TTBK1: variants seen among roughly 807,000 people sequenced by gnomAD.
TTBK1 encodes the protein tau tubulin kinase 1.
Under a neutral mutation model 108.5 loss-of-function variants are expected in TTBK1, and 34 were observed. The observed-to-expected ratio is 0.31, with a 90% confidence interval of 0.24 to 0.42. TTBK1 has a LOEUF of 0.42. Among genes scored for constraint, TTBK1 ranks in the 10% least tolerant of loss-of-function variants. The pLI is 1.00. For synonymous variants in TTBK1, 809 were observed against 795.1 expected (o/e 1.02, Z -0.29); for missense variants, 1,539 against 1,826.0 (o/e 0.84, Z 2.86).
In TTBK1 at chr6:43,286,974, C is replaced by T. The variant is rs1172445601; in HGVS notation, c.*1598C>T. ...CCCCAGCAGTCTGGCTGCGTCCAGC[C>T]ACCATCACCCGGAAGGATGCCCACA... On this transcript the variant is annotated 3_prime_UTR_variant, in exon 15 of 15. Coordinates refer to ENST00000259750, the MANE Select transcript of TTBK1 (RefSeq NM_032538.3). This position sits in a 1 kb window ranked among gnomAD's most constrained non-coding sequence, Gnocchi z 4.6. 6.5e-6 allele frequency: 1 copy of T among 152,676 alleles called. No individual in the cohort carries two copies. The highest frequency in any genetic ancestry group is 1.5e-5 in the Non-Finnish European group (1 of 68,098). 9.5% of individuals were successfully genotyped at this position (152,676 alleles called of 1,614,324 possible).
Position 43,283,008 on chromosome 6 carries a change from GGAA to G in TTBK1, c.2271_2273del (p.Glu771del), listed in dbSNP as rs1166896615. 2.5e-6 allele frequency: 4 copies of G among 1,596,370 alleles called. No individual in the cohort carries two copies. Among genetic ancestry groups the G allele is most frequent in the African/African-American group, 1.3e-5 (1 of 74,350 alleles). ...ATGAGGAAGAAGAAGAGGAGGAAGA[GGAA>G]GAGGAGGAGGAAGAAGAGGAGGAGG... On this transcript the variant is annotated inframe_deletion, in exon 14 of 15. Coordinates refer to ENST00000259750, the MANE Select transcript of TTBK1 (RefSeq NM_032538.3). The surrounding 1 kb of genome is among the most constrained non-coding windows in gnomAD (Gnocchi z 8.1).
At chr6:43,271,466 T>G in intron 13 of TTBK1, 1 of 985,418 alleles carries the variant, frequency 1.0e-6, no homozygotes, top group Non-Finnish European at 1.2e-6. Context: ...GCCAGAAAGA[T>G]GTCTATGCAG....
At chr6:43,267,567 A>G (rs1304377974) in intron 13 of TTBK1, among the ~76,000 whole-genome samples, 1 of 152,208 alleles carries the variant, frequency 6.6e-6, no homozygotes, top group Non-Finnish European at 1.5e-5. Flanking sequence ...ACCGGGAGGG[A>G]AACAGTGTGA....
chr6:43,264,243 T>G (rs1777620530), intron 13 of TTBK1, among the ~76,000 whole-genome samples: 1 of 151,416 alleles, frequency 6.6e-6, no homozygotes, highest in African/African-American at 2.4e-5. Context: ...ATTAGCCGGG[T>G]GTGGTGGTGC....
chr6:43,255,215 G>A lies in TTBK1; in HGVS notation c.642+101G>A, dbSNP rs1482338658. On this transcript the variant is annotated intron_variant, in intron 7 of 14. Coordinates refer to ENST00000259750, the MANE Select transcript of TTBK1 (RefSeq NM_032538.3). ...GGGTGGGGAGAGGAGAGTGGGGCAG[G>A]GGCTGCAATCTGCCACCCCAGAGAC... The A allele has an allele frequency of 3.9e-6, 4 of 1,038,120 alleles. No homozygotes were observed. The Admixed American group carries it at 7.9e-5, about 21-fold the overall frequency. 64.3% of individuals were successfully genotyped at this position (1,038,120 alleles called of 1,614,324 possible).
rs1429700464 is a variant in TTBK1, at chr6:43,283,177, CAGA to C, written c.2440_2442del (p.Lys814del). 2 of 1,556,018 alleles carry C rather than the reference CAGA, an allele frequency of 1.3e-6. No homozygotes were observed. Among genetic ancestry groups the C allele is most frequent in the Non-Finnish European group, 1.7e-6 (2 of 1,150,322 alleles). On this transcript the variant is annotated inframe_deletion, in exon 14 of 15. Coordinates refer to ENST00000259750, the MANE Select transcript of TTBK1 (RefSeq NM_032538.3). The surrounding 1 kb of genome is among the most constrained non-coding windows in gnomAD (Gnocchi z 8.1). ...CCCGTCCACGCTGCTGGCAGACGAT[CAGA>C]AGGAGTCCAGGGGCCGGGCCTCCAT...
Position 43,259,589 on chromosome 6 carries a change from G to C in TTBK1, c.1307G>C (p.Arg436Pro), listed in dbSNP as rs778738848. The change falls in exon 12 of 15, where the codon CGT (arginine) becomes CCT (proline). Residue 436 changes from arginine to proline, a missense_variant. This residue lies in a region of TTBK1 where 277 missense variants were observed against 332.4 expected (regional missense o/e 0.83). Transcript: ENST00000259750. The surrounding 1 kb of genome is among the most constrained non-coding windows in gnomAD (Gnocchi z 6.7). ...RGMGVPSSPVRAPPDSPTTPV... is the reference protein window; with the variant it reads ...RGMGVPSSPVPAPPDSPTTPV... ...ATGGGGGTCCCCAGCTCCCCAGTGC[G>C]TGCCCCCCCAGACTCCCCCACAACC... The C allele has an allele frequency of 1.2e-6, 2 of 1,610,682 alleles. No individual in the cohort carries two copies. Among genetic ancestry groups the C allele is most frequent in the African/African-American group, 2.7e-5 (2 of 74,878 alleles).
chr6:43,246,703 A>C lies in TTBK1; in HGVS notation c.43A>C (p.Ser15Arg). The C allele has an allele frequency of 6.2e-7, 1 of 1,611,794 alleles. No homozygotes were observed. ...AAALKDETNMSGGGEQADILP... is the reference protein window; with the variant it reads ...AAALKDETNMRGGGEQADILP... ...CGCCCTTAAGGACGAAACCAACATG[A>C]GTGGGGGAGGGGAGCAGGCCGACAT... The change falls in exon 2 of 15, where the codon AGT becomes CGT. Residue 15 changes from serine to arginine, a missense_variant. Physicochemically the swap from Ser to Arg is moderately radical, Grantham distance 110. Coordinates refer to ENST00000259750, the MANE Select transcript of TTBK1 (RefSeq NM_032538.3).
At position 43,263,137 on chromosome 6, in the gene TTBK1, C is replaced by G. The variant is rs1028657599; in HGVS notation, c.1773C>G (p.Pro591=). 2 of 1,567,762 alleles carry G rather than the reference C, an allele frequency of 1.3e-6. No homozygotes were observed. Among genetic ancestry groups the G allele is most frequent in the African/African-American group, 2.7e-5 (2 of 74,026 alleles). Residue 591 remains proline (P), a synonymous_variant, in exon 13 of 15, where the codon CCC becomes CCG. Transcript: ENST00000259750. This position sits in a 1 kb window ranked among gnomAD's most constrained non-coding sequence, Gnocchi z 4.7. ...AGCGGCGGCGGCTGGGGGCAGAGCC[C>G]ACCGTCCGGCCCCGGGGACGCAGCA... ...GEERRRLGAE[P]TVRPRGRSMQ... is the part of the protein sequence containing the mutation.
Position 43,253,553 on chromosome 6 carries a change from T to G in TTBK1, c.331-15T>G. The G allele has an allele frequency of 6.3e-7, 1 of 1,598,882 alleles. No individual in the cohort carries two copies. The highest frequency in any genetic ancestry group is 8.5e-7 in the Non-Finnish European group (1 of 1,172,366). The stretch of plus-strand genomic sequence containing the variant: ...GCTGAGGGTGAGTCTACCCCCCACC[T>G]CCACCCCCATGCAGGGCCGGAACCT... On this transcript the variant is annotated splice_polypyrimidine_tract_variant and intron_variant, in intron 4 of 14. Coordinates refer to ENST00000259750, the MANE Select transcript of TTBK1 (RefSeq NM_032538.3). The surrounding 1 kb of genome is among the most constrained non-coding windows in gnomAD (Gnocchi z 5.8).
chr6:43,261,809 A>C (rs1022648363), intron 12 of TTBK1, among the ~76,000 whole-genome samples: 27 of 58,704 alleles, frequency 4.6e-4, no homozygotes, highest in Admixed American at 4.1e-3. Flanking sequence ...ATTCTGTCTC[A>C]AAAAAAAAAA....
At chr6:43,249,303 T>A (rs2150681889) in intron 2 of TTBK1, among the ~76,000 whole-genome samples, 1 of 152,216 alleles carries the variant, frequency 6.6e-6, no homozygotes, top group South Asian at 2.1e-4. Context: ...TCCTATTGTG[T>A]CATATTTCTC....
chr6:43,271,110 T>C, intron 13 of TTBK1: 1 of 985,444 alleles, frequency 1.0e-6, no homozygotes, highest in Non-Finnish European at 1.2e-6. Context: ...ATCCTGCCCA[T>C]GTCAGCCAGC....
Position 43,265,135 on chromosome 6 carries a change from T to A in TTBK1, c.1986+1785T>A, listed in dbSNP as rs1039031614. On this transcript the variant is annotated intron_variant, in intron 13 of 14. Coordinates refer to ENST00000259750, the MANE Select transcript of TTBK1 (RefSeq NM_032538.3). The surrounding 1 kb of genome is among the most constrained non-coding windows in gnomAD (Gnocchi z 4.1). ...CCCACAGAGGGGCTGGGGAGAGTCA[T>A]GGAGGGGATGCCGGAAGGGGCTCAG... 6.6e-6 allele frequency among the ~76,000 whole-genome samples: 1 copy of A among 151,946 alleles called. No homozygotes were observed. The highest frequency in any genetic ancestry group is 6.5e-5 in the Admixed American group (1 of 15,270).
At chr6:43,267,818 T>C (rs973145825) in intron 13 of TTBK1, among the ~76,000 whole-genome samples, 1 of 152,156 alleles carries the variant, frequency 6.6e-6, no homozygotes, top group Non-Finnish European at 1.5e-5. Flanking sequence ...CAGCATGCGC[T>C]GAGTACACAG....
intron 9 of TTBK1, among the ~76,000 whole-genome samples, chr6:43,256,282 C>T (rs528486303): frequency 2.0e-5 from 3 of 152,040 alleles, no homozygotes; most frequent in African/African-American, 4.8e-5. Context: ...ACTACAGGCA[C>T]GTGCCACCAT....
At chr6:43,244,390 C>T (rs191360744) in intron 1 of TTBK1, among the ~76,000 whole-genome samples, 4 of 152,094 alleles carry the variant, frequency 2.6e-5, no homozygotes, top group African/African-American at 9.7e-5. Flanking sequence ...ACCAGTTCCA[C>T]GTACCCCTGT....
At position 43,253,134 on chromosome 6, in the gene TTBK1, G is replaced by C. The variant is rs1777289996; in HGVS notation, c.257-157G>C. On this transcript the variant is annotated intron_variant, in intron 3 of 14. Transcript: ENST00000259750. This position sits in a 1 kb window ranked among gnomAD's most constrained non-coding sequence, Gnocchi z 5.8. ...GAAGTAATCGAGCTGGAGTCTAGGA[G>C]ACATGATGAGGCTAGGGCCAGGGAG... Among the ~76,000 whole-genome samples, 1 of 152,114 alleles carries C rather than the reference G, an allele frequency of 6.6e-6. No individual in the cohort carries two copies. Among genetic ancestry groups the C allele is most frequent in the Non-Finnish European group, 1.5e-5 (1 of 68,028 alleles).
chr6:43,263,717 C>T lies in TTBK1; in HGVS notation c.1986+367C>T, dbSNP rs745790199. Among the ~76,000 whole-genome samples the T allele has an allele frequency of 2.6e-5, 4 of 152,290 alleles. No individual in the cohort carries two copies. The South Asian group carries it at 8.3e-4, about 32-fold the overall frequency. Reference sequence around the variant, plus strand: ...CAAGGCTGTGAGGTCAGCCCTGGGCCCTGCCACGGAGGGACTTGGGGCTAT... The same window carrying T: ...CAAGGCTGTGAGGTCAGCCCTGGGCTCTGCCACGGAGGGACTTGGGGCTAT... On this transcript the variant is annotated intron_variant, in intron 13 of 14. Coordinates refer to ENST00000259750, the MANE Select transcript of TTBK1 (RefSeq NM_032538.3). This position sits in a 1 kb window ranked among gnomAD's most constrained non-coding sequence, Gnocchi z 4.7.
Sources: gnomAD v4.1 joint callset for allele counts (sites outside exome capture counted in the v4.1 genomes callset) on GRCh38, gnomAD v4.1.1 for gene constraint, gnomAD v4.1.1 regional missense constraint, Gnocchi (gnomAD v3.1) non-coding constraint, MANE v1.5 for transcripts, NCBI Gene and HGNC (gene_info 2026-07-23, HGNC 2026-07-21) for gene names.